Variants in PTPN13 observed in about 807,000 individuals in gnomAD.
PTPN13 encodes tyrosine-protein phosphatase non-receptor type 13.
Under a neutral mutation model 284.0 loss-of-function variants are expected in PTPN13, and 191 were observed. That is an observed-to-expected ratio of 0.67 (90% CI 0.60 to 0.76). The LOEUF is 0.76. PTPN13 is among the 30% of genes least tolerant of loss of function. The pLI is 0.00. For synonymous variants in PTPN13, 986 were observed against 1,022.3 expected, an observed-to-expected ratio of 0.96 and a Z score of 0.68; for missense variants, 2,797 against 2,939.9, an observed-to-expected ratio of 0.95 and a Z score of 1.12.
At chr4:86,636,088 AG>A (rs1209265338) in intron 2 of PTPN13, among the ~76,000 whole-genome samples, 1 of 152,182 alleles carries the variant, frequency 6.6e-6, no homozygotes, top group Admixed American at 6.5e-5. Context: ...AACTCATAAT[AG>A]GAGGATTTGA....
chr4:86,736,461 G>A (rs1209644306), intron 15 of PTPN13, among the ~76,000 whole-genome samples: 1 of 152,072 alleles, frequency 6.6e-6, no homozygotes, highest in Non-Finnish European at 1.5e-5. Flanking sequence ...CATATAGAAA[G>A]AAATCAAGTT....
intron 3 of PTPN13, among the ~76,000 whole-genome samples, chr4:86,683,363 G>A (rs1182381674): frequency 6.6e-6 from 1 of 152,062 alleles, no homozygotes; most frequent in East Asian, 1.9e-4. Context: ...AAGACTGGCA[G>A]GCTTAAGACC....
intron 27 of PTPN13, among the ~76,000 whole-genome samples, chr4:86,767,258 T>TTA (rs1554337535): frequency 6.7e-6 from 1 of 149,922 alleles, no homozygotes; most frequent in Non-Finnish European, 1.5e-5. Context: ...TTTTTTTTTT[T>TTA]AATTGAGATG....
chr4:86,649,932 C>T (rs1232571998), intron 2 of PTPN13, among the ~76,000 whole-genome samples: 4 of 152,166 alleles, frequency 2.6e-5, no homozygotes, highest in South Asian at 4.1e-4. Context: ...AATCCATGAA[C>T]ATGGAATATC....
intron 2 of PTPN13, among the ~76,000 whole-genome samples, chr4:86,663,604 T>C (rs1274899311): frequency 6.6e-6 from 1 of 152,196 alleles, no homozygotes; most frequent in Non-Finnish European, 1.5e-5. Flanking sequence ...GGTGCCATAA[T>C]TATGGGGCAG....
chr4:86,751,243 A>G (rs984046539), intron 19 of PTPN13, 119 bp downstream of exon 19: 2 of 714,742 alleles, frequency 2.8e-6, no homozygotes, highest in African/African-American at 3.6e-5. Context: ...AAAACTGAAT[A>G]TAAATTTTAG....
At chr4:86,657,404 T>C (rs1248798201) in intron 2 of PTPN13, among the ~76,000 whole-genome samples, 2 of 152,186 alleles carry the variant, frequency 1.3e-5, no homozygotes, top group African/African-American at 2.4e-5. Flanking sequence ...ATACACTGCC[T>C]TGGTGAACTT....
At chr4:86,693,171 A>G (rs974346445) in intron 5 of PTPN13, among the ~76,000 whole-genome samples, 2 of 151,956 alleles carry the variant, frequency 1.3e-5, no homozygotes, top group African/African-American at 4.8e-5. Flanking sequence ...AAATTCCTCA[A>G]TTCATAGTTA....
At chr4:86,771,579 G>C in intron 31 of PTPN13, 44 bp downstream of exon 31, 1 of 1,486,674 alleles carries the variant, frequency 6.7e-7, no homozygotes, top group South Asian at 1.4e-5. Context: ...ACTGGTTGTT[G>C]TTAGTAGCAG....
intron 5 of PTPN13, among the ~76,000 whole-genome samples, chr4:86,693,063 G>A (rs868487703): frequency 1.3e-3 from 127 of 95,014 alleles, no homozygotes; most frequent in Middle Eastern, 6.5e-3. Flanking sequence ...GTGAGACTCC[G>A]TTATATTTAA....
intron 20 of PTPN13, among the ~76,000 whole-genome samples, chr4:86,757,090 G>A (rs1038290): frequency 0.076 from 11,592 of 152,226 alleles, 608 homozygotes; most frequent in Non-Finnish European, 0.11. Context: ...TTGTGTAAAT[G>A]CTTGAATTGC....
chr4:86,690,092 C>G (rs535349279), intron 5 of PTPN13: 2 of 178,554 alleles, frequency 1.1e-5, no homozygotes, highest in Non-Finnish European at 2.3e-5. Context: ...CACAGATCTT[C>G]TAGACAAATG....
chr4:86,595,787 G>A (rs1045136277), intron 1 of PTPN13: 5 of 984,230 alleles, frequency 5.1e-6, no homozygotes, highest in Admixed American at 1.2e-4. Context: ...AAGGGCGCTG[G>A]TAACTAATTA....
intron 23 of PTPN13, 81 bp downstream of exon 23, chr4:86,759,154 G>C: frequency 1.4e-6 from 2 of 1,422,042 alleles, no homozygotes; most frequent in Non-Finnish European, 1.9e-6. Flanking sequence ...CACAAAAATG[G>C]ATTCATTGTG....
chr4:86,732,874 G>A, intron 12 of PTPN13, 108 bp downstream of exon 12: 1 of 868,034 alleles, frequency 1.2e-6, no homozygotes, highest in East Asian at 2.7e-5. Flanking sequence ...GTAACTAAAT[G>A]AACTAGTCAG....
intron 42 of PTPN13, among the ~76,000 whole-genome samples, chr4:86,799,971 G>A (rs995990012): frequency 6.6e-6 from 1 of 151,202 alleles, no homozygotes; most frequent in Non-Finnish European, 1.5e-5. Flanking sequence ...CCAAGTAGCT[G>A]GGATTACAAG....
intron 25 of PTPN13, 67 bp from the exon 26 acceptor site, chr4:86,765,328 C>T (rs1739177646): frequency 8.3e-7 from 1 of 1,202,716 alleles, no homozygotes; most frequent in East Asian, 2.6e-5. Context: ...CTTTCTAGGC[C>T]TGAGATTTGA....
chr4:86,693,071 T>TAAAAAAAAAAAA (rs34543988), intron 5 of PTPN13, among the ~76,000 whole-genome samples: 3 of 112,304 alleles, frequency 2.7e-5, no homozygotes, highest in Non-Finnish European at 3.6e-5. Context: ...CCGTTATATT[T>TAAAAAAAAAAAA]AAAAAAAAAA....
chr4:86,731,224 C>A (rs1734919092), intron 10 of PTPN13, among the ~76,000 whole-genome samples: 1 of 152,180 alleles, frequency 6.6e-6, no homozygotes. Flanking sequence ...TCAAGATTAG[C>A]TCTGGTTTCA....
Sources: gnomAD v4.1 joint callset for allele counts (sites outside exome capture counted in the v4.1 genomes callset) on GRCh38, gnomAD v4.1.1 for gene constraint, MANE v1.5 for transcripts, NCBI Gene and HGNC (gene_info 2026-07-23, HGNC 2026-07-21) for gene names.